The following ZNF423 variants were observed in gnomAD, a reference collection of about 807,000 sequenced individuals.
ZNF423 encodes the protein Ebf-associated zinc finger protein.
Under a neutral mutation model 95.8 loss-of-function variants are expected in ZNF423, and 12 were observed. The ratio of observed to expected loss-of-function variants is 0.13; its 90% CI spans 0.08 to 0.20. The LOEUF (loss-of-function observed/expected upper bound fraction) is 0.20, where lower values mean the gene tolerates loss of function less well. Ranked by LOEUF, ZNF423 falls within the 10% of genes least tolerant of loss-of-function variation. The probability of loss-of-function intolerance (pLI) is 1.00; values close to 1 mark genes in which losing one functional copy is unlikely to be tolerated. For missense variants in ZNF423, 1,316 were observed against 1,737.1 expected (o/e 0.76, Z 4.31); for synonymous variants, 749 against 711.9 (o/e 1.05, Z -0.83).
In ZNF423 at chr16:49,492,651, A is replaced by G. The variant is rs1967018737; in HGVS notation, c.3850-1347T>C. Among the ~76,000 whole-genome samples, 1 of 152,198 alleles carries G rather than the reference A, an allele frequency of 6.6e-6. No individual in the cohort carries two copies. The highest frequency in any genetic ancestry group is 1.5e-5 in the Non-Finnish European group (1 of 68,020). On this transcript the variant is annotated intron_variant, in intron 7 of 7. Coordinates refer to ENST00000563137, the MANE Select transcript of ZNF423 (RefSeq NM_001379286.1). The surrounding 1 kb of genome is among the most constrained non-coding windows in gnomAD (Gnocchi z 4.2). ...AGGCAGCCCGCGCCTGCCTCCCAGC[A>G]GATGCCCACAGCGCCAAGCGACAGC...
At chr16:49,515,761 C>A (rs192203303) in intron 7 of ZNF423, among the ~76,000 whole-genome samples, 35 of 152,330 alleles carry the variant, frequency 2.3e-4, no homozygotes, top group Admixed American at 2.0e-3. Context: ...CACGCATCCC[C>A]ACAGTGAGGA....
chr16:49,791,653 G>T (rs1393107472), intron 1 of ZNF423, among the ~76,000 whole-genome samples: 1 of 152,068 alleles, frequency 6.6e-6, no homozygotes, highest in African/African-American at 2.4e-5. Context: ...TGTTAAATTT[G>T]AAAGAAAAAG....
chr16:49,783,266 G>A (rs2143785293), intron 2 of ZNF423, among the ~76,000 whole-genome samples: 1 of 151,888 alleles, frequency 6.6e-6, no homozygotes, highest in East Asian at 2.0e-4. Context: ...TGGGAGAGGG[G>A]GTGATTAGGG....
chr16:49,634,204 C>CTTT (rs528621494), intron 4 of ZNF423, among the ~76,000 whole-genome samples: 9 of 114,248 alleles, frequency 7.9e-5, no homozygotes, highest in African/African-American at 2.0e-4. Context: ...CCACACCTGG[C>CTTT]TTTTTTTTTT....
intron 2 of ZNF423, among the ~76,000 whole-genome samples, chr16:49,743,674 C>T (rs898653310): frequency 6.6e-5 from 10 of 151,994 alleles, no homozygotes; most frequent in African/African-American, 1.9e-4. Flanking sequence ...TCCCCAGACC[C>T]GGCTCTAGGG....
chr16:49,502,913 TACACACACACACACAC>T (rs55819934), intron 7 of ZNF423, among the ~76,000 whole-genome samples: 13 of 122,796 alleles, frequency 1.1e-4, no homozygotes, highest in Non-Finnish European at 2.1e-4. Context: ...TGTGCACGCA[TACACACACACACACAC>T]ACACACACAC....
chr16:49,781,707 C>A (rs2034216033), intron 2 of ZNF423, among the ~76,000 whole-genome samples: 1 of 152,216 alleles, frequency 6.6e-6, no homozygotes, highest in South Asian at 2.1e-4. Flanking sequence ...TCCATTTCCC[C>A]AGCCAAAACC....
chr16:49,675,277 T>C, intron 3 of ZNF423, among the ~76,000 whole-genome samples: 1 of 152,178 alleles, frequency 6.6e-6, no homozygotes, highest in East Asian at 1.9e-4. Context: ...ACCTTTGCAG[T>C]TGGTCAGTGC....
At position 49,492,469 on chromosome 16, in the gene ZNF423, C is replaced by G. The variant is rs549987470; in HGVS notation, c.3850-1165G>C. ...TGATGCCAGTAGCCTCGCCCGGAGG[C>G]CGAGGCCGGGGCCGGGGCCGGGGCC... On this transcript the variant is annotated intron_variant, in intron 7 of 7. Coordinates refer to ENST00000563137, the MANE Select transcript of ZNF423 (RefSeq NM_001379286.1). The surrounding 1 kb of genome is among the most constrained non-coding windows in gnomAD (Gnocchi z 4.2). 6.6e-6 allele frequency among the ~76,000 whole-genome samples: 1 copy of G among 151,318 alleles called. No individual in the cohort carries two copies. The highest frequency in any genetic ancestry group is 6.5e-5 in the Admixed American group (1 of 15,268).
intron 7 of ZNF423, among the ~76,000 whole-genome samples, chr16:49,498,895 A>G (rs1383179742): frequency 6.6e-6 from 1 of 152,202 alleles, no homozygotes; most frequent in Non-Finnish European, 1.5e-5. Context: ...ACAAACGGTA[A>G]GCATACTCGA....
At position 49,789,475 on chromosome 16, in the gene ZNF423, C is replaced by T. The variant is rs775951965; in HGVS notation, c.100+12G>A. Reference sequence around the variant, plus strand: ...CCCCCTGCAACTCTTCCACCAGCCCCCGGGCATTTACCTGCTGCTGTCACG... The same window carrying T: ...CCCCCTGCAACTCTTCCACCAGCCCTCGGGCATTTACCTGCTGCTGTCACG... On this transcript the variant is annotated intron_variant, in intron 2 of 7. Transcript: ENST00000563137. 1 of 1,611,456 alleles carries T rather than the reference C, an allele frequency of 6.2e-7. No homozygotes were observed.
intron 1 of ZNF423, among the ~76,000 whole-genome samples, chr16:49,824,450 C>T (rs1419640485): frequency 6.6e-6 from 1 of 152,102 alleles, no homozygotes; most frequent in Non-Finnish European, 1.5e-5. Context: ...CCAATCATGC[C>T]AATACCAAGT....
chr16:49,532,967 C>T lies in ZNF423; in HGVS notation c.3602-7473G>A, dbSNP rs1968910870. 2.6e-5 allele frequency among the ~76,000 whole-genome samples: 4 copies of T among 152,194 alleles called. No homozygotes were observed. In the South Asian group the frequency reaches 8.3e-4, roughly 32 times the overall value. On this transcript the variant is annotated intron_variant, in intron 5 of 7. Transcript: ENST00000563137. ...CCGAATGCCCCATCTGGGTAGAATG[C>T]CAATTCCACGCATGGGCACGTGGGT... is the stretch of plus-strand genomic sequence containing the variant.
In ZNF423 at chr16:49,768,705, G is replaced by T. The variant is rs77512207; in HGVS notation, c.100+20782C>A. 7.0e-3 allele frequency among the ~76,000 whole-genome samples: 1,064 copies of T among 152,108 alleles called. 6 individuals carry two copies. The highest frequency in any genetic ancestry group is 0.012 in the Non-Finnish European group (796 of 67,992). ...AACCTGCAATGTCAACGTGGCCCTA[G>T]ACCTCAGCTCCTCTGTATTCAGTCT... On this transcript the variant is annotated intron_variant, in intron 2 of 7. Coordinates refer to ENST00000563137, the MANE Select transcript of ZNF423 (RefSeq NM_001379286.1).
At chr16:49,811,021 C>T (rs1423908595) in intron 1 of ZNF423, among the ~76,000 whole-genome samples, 3 of 152,078 alleles carry the variant, frequency 2.0e-5, no homozygotes, top group Non-Finnish European at 2.9e-5. Context: ...GCTGTTCAGC[C>T]CAGAGGGGCA....
At chr16:49,706,178 T>G (rs920062197) in intron 3 of ZNF423, among the ~76,000 whole-genome samples, 1 of 152,158 alleles carries the variant, frequency 6.6e-6, no homozygotes, top group Non-Finnish European at 1.5e-5. Flanking sequence ...AAAAAATGAA[T>G]TTTGGTCTCA....
intron 3 of ZNF423, among the ~76,000 whole-genome samples, chr16:49,722,742 C>A (rs1483590574): frequency 1.3e-5 from 2 of 152,144 alleles, no homozygotes; most frequent in Non-Finnish European, 2.9e-5. Flanking sequence ...AACAAACATT[C>A]CTTGAGCACC....
chr16:49,589,950 G>A (rs961397077), intron 5 of ZNF423, among the ~76,000 whole-genome samples: 5 of 151,232 alleles, frequency 3.3e-5, no homozygotes, highest in African/African-American at 1.2e-4. Context: ...ACAAAAGCAT[G>A]CAAAGGTTGT....
intron 1 of ZNF423, 54 bp from the exon 2 acceptor site, chr16:49,789,600 C>G (rs998815767): frequency 3.2e-6 from 5 of 1,572,102 alleles, no homozygotes; most frequent in African/African-American, 2.7e-5. Flanking sequence ...ACAAATAGAT[C>G]AGGTAAGGCA....
Sources: gnomAD v4.1 joint callset for allele counts (sites outside exome capture counted in the v4.1 genomes callset) on GRCh38, gnomAD v4.1.1 for gene constraint, Gnocchi (gnomAD v3.1) non-coding constraint, MANE v1.5 for transcripts, NCBI Gene and HGNC (gene_info 2026-07-23, HGNC 2026-07-21) for gene names.